TENM4: variants seen among roughly 807,000 people sequenced by gnomAD.
The protein encoded by TENM4 is teneurin-4.
A neutral mutation model predicts 243.3 loss-of-function variants in TENM4; 82 were observed. The observed-to-expected ratio is 0.34, with a 90% confidence interval of 0.28 to 0.40. The LOEUF is 0.40. Ranked by LOEUF, TENM4 falls within the 10% of genes least tolerant of loss-of-function variation. TENM4 has a pLI of 1.00. For missense variants in TENM4, 3,138 were observed against 3,673.3 expected, an observed-to-expected ratio of 0.85 and a Z score of 3.77; for synonymous variants, 1,412 against 1,456.3, an observed-to-expected ratio of 0.97 and a Z score of 0.69.
At chr11:79,404,920 G>C (rs1168146971) in intron 1 of TENM4, among the ~76,000 whole-genome samples, 1 of 152,106 alleles carries the variant, frequency 6.6e-6, no homozygotes, top group Non-Finnish European at 1.5e-5. Context: ...ACCAGATGAA[G>C]CTTGTCCTCT....
At chr11:79,102,142 A>G (rs1479954050) in intron 4 of TENM4, among the ~76,000 whole-genome samples, 3 of 152,266 alleles carry the variant, frequency 2.0e-5, no homozygotes, top group Non-Finnish European at 4.4e-5. Flanking sequence ...TGGTATGTAC[A>G]GTGATCAGGA....
chr11:78,718,151 A>G (rs1190048432), intron 25 of TENM4, among the ~76,000 whole-genome samples: 1 of 152,180 alleles, frequency 6.6e-6, no homozygotes, highest in East Asian at 1.9e-4. Flanking sequence ...TCCATCTCCA[A>G]CATTTACTGA....
intron 4 of TENM4, among the ~76,000 whole-genome samples, chr11:79,077,607 A>T (rs917246761): frequency 1.3e-5 from 2 of 152,192 alleles, no homozygotes; most frequent in African/African-American, 4.8e-5. Context: ...TATGAATGAG[A>T]TGCCAATCTA....
At chr11:79,309,491 C>T (rs569257) in intron 1 of TENM4, among the ~76,000 whole-genome samples, 58,089 of 152,070 alleles carry the variant, frequency 0.38, 11,658 homozygotes, top group East Asian at 0.44. Flanking sequence ...TCTGGGGGAC[C>T]GCCTGGTTTT....
At chr11:79,341,647 C>T (rs1484173463) in intron 1 of TENM4, among the ~76,000 whole-genome samples, 4 of 152,206 alleles carry the variant, frequency 2.6e-5, no homozygotes. Flanking sequence ...CCTCCAACAA[C>T]TGTAGAATGA....
At chr11:78,879,462 C>G (rs1301345353) in intron 9 of TENM4, among the ~76,000 whole-genome samples, 1 of 109,536 alleles carries the variant, frequency 9.1e-6, no homozygotes, top group African/African-American at 3.6e-5. Flanking sequence ...TCTGCCCGGC[C>G]GCCACACCGT....
intron 6 of TENM4, among the ~76,000 whole-genome samples, chr11:78,985,114 G>A (rs1857888769): frequency 6.6e-6 from 1 of 152,182 alleles, no homozygotes; most frequent in South Asian, 2.1e-4. Context: ...GGCTGTTTGT[G>A]AGAATTAAAT....
At chr11:79,365,123 T>C (rs1857654288) in intron 1 of TENM4, among the ~76,000 whole-genome samples, 1 of 152,166 alleles carries the variant, frequency 6.6e-6, no homozygotes, top group South Asian at 2.1e-4. Context: ...AAAGTATAAA[T>C]AGAAAATTGT....
intron 1 of TENM4, among the ~76,000 whole-genome samples, chr11:79,351,115 A>G (rs1235402140): frequency 6.6e-6 from 1 of 152,170 alleles, no homozygotes; most frequent in Non-Finnish European, 1.5e-5. Context: ...CTTTTCCCGC[A>G]GGTATTTTTA....
intron 1 of TENM4, among the ~76,000 whole-genome samples, chr11:79,407,279 T>G (rs1858593404): frequency 6.6e-6 from 1 of 152,218 alleles, no homozygotes. Flanking sequence ...AGAAAACTGT[T>G]TTATAAAACT....
chr11:79,279,013 C>G (rs1856109129), intron 2 of TENM4, among the ~76,000 whole-genome samples: 1 of 152,190 alleles, frequency 6.6e-6, no homozygotes, highest in Non-Finnish European at 1.5e-5. Context: ...CCCAGACACA[C>G]GTCTGCTTTC....
intron 28 of TENM4, among the ~76,000 whole-genome samples, chr11:78,700,523 G>A (rs556119458): frequency 7.2e-5 from 11 of 152,210 alleles, no homozygotes; most frequent in African/African-American, 2.2e-4. Flanking sequence ...AATCTCAGTC[G>A]TGTGAACCAT....
At chr11:79,034,333 A>C (rs1418408699) in intron 6 of TENM4, among the ~76,000 whole-genome samples, 1 of 152,184 alleles carries the variant, frequency 6.6e-6, no homozygotes, top group Non-Finnish European at 1.5e-5. Flanking sequence ...TTCCCACTGC[A>C]TGCTGGGGCT....
At chr11:79,368,595 A>G (rs1370169693) in intron 1 of TENM4, among the ~76,000 whole-genome samples, 1 of 152,198 alleles carries the variant, frequency 6.6e-6, no homozygotes, top group Non-Finnish European at 1.5e-5. Flanking sequence ...TCTGCAGGCA[A>G]TCTGCCTACA....
At chr11:79,207,054 G>A (rs1310957650) in intron 3 of TENM4, among the ~76,000 whole-genome samples, 1 of 152,166 alleles carries the variant, frequency 6.6e-6, no homozygotes, top group Non-Finnish European at 1.5e-5. Context: ...CCAGAGAATG[G>A]TGACATATGC....
intron 9 of TENM4, among the ~76,000 whole-genome samples, chr11:78,889,154 C>G (rs767423776): frequency 6.6e-6 from 1 of 152,168 alleles, no homozygotes; most frequent in Non-Finnish European, 1.5e-5. Context: ...AGCACTGCTC[C>G]GTGTCTGTGC....
intron 16 of TENM4, among the ~76,000 whole-genome samples, chr11:78,784,890 C>A (rs759436933): frequency 2.0e-5 from 3 of 152,094 alleles, no homozygotes; most frequent in Non-Finnish European, 2.9e-5. Context: ...TGTGACTAGA[C>A]GAAGGGAGAG....
Position 79,242,067 on chromosome 11 carries a change from T to C in TENM4, c.-264-26158A>G, listed in dbSNP as rs534504020. Reference sequence around the variant, plus strand: ...CAATTAAGATCAGTTAGAAGTCAATTTCACAGTGGCTGGTTTTTTAAGATC... The same window carrying C: ...CAATTAAGATCAGTTAGAAGTCAATCTCACAGTGGCTGGTTTTTTAAGATC... On this transcript the variant is annotated intron_variant, in intron 2 of 33. Coordinates refer to ENST00000278550, the MANE Select transcript of TENM4 (RefSeq NM_001098816.3). 1.5e-4 allele frequency among the ~76,000 whole-genome samples: 23 copies of C among 152,316 alleles called. 1 individual carries two copies. Among genetic ancestry groups the C allele is most frequent in the Non-Finnish European group, 2.5e-4 (17 of 68,020 alleles).
chr11:78,879,803 C>T (rs182849726), intron 9 of TENM4, among the ~76,000 whole-genome samples: 11 of 151,708 alleles, frequency 7.3e-5, no homozygotes, highest in Non-Finnish European at 1.2e-4. Context: ...CGCCTCTGCC[C>T]GGACACCACC....
Sources: gnomAD v4.1 joint callset for allele counts (sites outside exome capture counted in the v4.1 genomes callset) on GRCh38, gnomAD v4.1.1 for gene constraint, MANE v1.5 for transcripts, NCBI Gene and HGNC (gene_info 2026-07-23, HGNC 2026-07-21) for gene names.